RPSA2: variants seen among roughly 807,000 people sequenced by gnomAD.
RPSA2 encodes the protein ribosomal protein SA 2, also known as small ribosomal subunit protein uS2B.
the RPSA2 span, chr19:23,828,138 C>G: frequency 7.6e-6 from 5 of 661,288 alleles, no homozygotes; most frequent in Admixed American, 8.2e-5. Context: ...AAAAAAAATG[C>G]TGCAATAATT....
At chr19:23,773,073 CTGTGTGTA>C in the RPSA2 span, among the ~76,000 whole-genome samples, 3 of 662 alleles carry the variant, frequency 4.5e-3, no homozygotes, top group East Asian at 0.062. Flanking sequence ...CCGTCTCCTC[CTGTGTGTA>C]TGTGTGTGTA....
the RPSA2 span, among the ~76,000 whole-genome samples, chr19:23,794,411 T>C: frequency 0.022 from 3,329 of 152,324 alleles, 130 homozygotes; most frequent in African/African-American, 0.076. Context: ...AGATGGCATC[T>C]TGTGGTTTTT....
At chr19:23,866,327 G>C in the RPSA2 span, among the ~76,000 whole-genome samples, 2 of 152,210 alleles carry the variant, frequency 1.3e-5, no homozygotes, top group African/African-American at 4.8e-5. Context: ...CATAGCTCTA[G>C]CCTATGAAAT....
chr19:23,833,230 G>GA, the RPSA2 span: 1 of 1,054,382 alleles, frequency 9.5e-7, no homozygotes, highest in Non-Finnish European at 1.1e-6. Context: ...CTACAAATGG[G>GA]AAAAATTTGG....
chr19:23,790,156 G>A, the RPSA2 span, among the ~76,000 whole-genome samples: 1 of 151,942 alleles, frequency 6.6e-6, no homozygotes, highest in African/African-American at 2.4e-5. Flanking sequence ...CCGCCACTGT[G>A]CCCGGCTACT....
chr19:23,787,079 T>G, the RPSA2 span, among the ~76,000 whole-genome samples: 1 of 152,100 alleles, frequency 6.6e-6, no homozygotes, highest in South Asian at 2.1e-4. Context: ...GGTCCCTGCT[T>G]ACAGAGAAAT....
the RPSA2 span, among the ~76,000 whole-genome samples, chr19:23,826,059 A>AT: frequency 6.6e-6 from 1 of 151,570 alleles, no homozygotes; most frequent in Admixed American, 6.6e-5. Context: ...ACCACAAAAT[A>AT]TTTTTAAATA....
At chr19:23,805,126 CA>C in the RPSA2 span, among the ~76,000 whole-genome samples, 1 of 238 alleles carries the variant, frequency 4.2e-3, no homozygotes, top group Non-Finnish European at 0.015. Flanking sequence ...AAAAAGCACA[CA>C]CACACACACA....
chr19:23,793,797 G>T, the RPSA2 span, among the ~76,000 whole-genome samples: 2 of 151,938 alleles, frequency 1.3e-5, no homozygotes, highest in Non-Finnish European at 2.9e-5. Context: ...AATTCCTGAC[G>T]TGGTGATCTG....
chr19:23,862,877 T>C, the RPSA2 span, among the ~76,000 whole-genome samples: 2 of 151,606 alleles, frequency 1.3e-5, no homozygotes, highest in Non-Finnish European at 2.9e-5. Flanking sequence ...CATCTACATC[T>C]CTTTTTCTTT....
At chr19:23,806,784 C>CAA in the RPSA2 span, among the ~76,000 whole-genome samples, 1,333 of 70,690 alleles carry the variant, frequency 0.019, 38 homozygotes, top group African/African-American at 0.044. Context: ...GACTGAGTCT[C>CAA]AAAAAAAAAA....
chr19:23,841,539 C>T, the RPSA2 span, among the ~76,000 whole-genome samples: 1 of 152,214 alleles, frequency 6.6e-6, no homozygotes, highest in East Asian at 1.9e-4. Flanking sequence ...TAAACAATCA[C>T]ATTTAATCTG....
chr19:23,779,961 T>C, the RPSA2 span, among the ~76,000 whole-genome samples: 4 of 152,296 alleles, frequency 2.6e-5, no homozygotes, highest in East Asian at 7.7e-4. Context: ...TACATATCAG[T>C]GGCCCAGCAT....
the RPSA2 span, among the ~76,000 whole-genome samples, chr19:23,820,751 C>G: frequency 2.0e-5 from 3 of 152,284 alleles, no homozygotes; most frequent in African/African-American, 7.2e-5. Context: ...AAATATTGAT[C>G]TTTTTGTCCT....
the RPSA2 span, chr19:23,832,710 GA>G: frequency 6.6e-7 from 1 of 1,518,736 alleles, no homozygotes. Flanking sequence ...ACACTGGAGA[GA>G]AACCCTACAA....
At chr19:23,822,603 C>A in the RPSA2 span, among the ~76,000 whole-genome samples, 1 of 152,228 alleles carries the variant, frequency 6.6e-6, no homozygotes, top group African/African-American at 2.4e-5. Context: ...ATAAATAGGT[C>A]CCTGTGTTTT....
the RPSA2 span, among the ~76,000 whole-genome samples, chr19:23,806,036 CTTCT>C: frequency 1.0e-5 from 1 of 96,384 alleles, no homozygotes; most frequent in African/African-American, 3.7e-5. Flanking sequence ...TCTATCTATC[CTTCT>C]TTCTTTCTTT....
the RPSA2 span, chr19:23,818,525 T>C: frequency 2.6e-5 from 4 of 152,658 alleles, no homozygotes; most frequent in Non-Finnish European, 5.9e-5. Context: ...CTAAAGCCAG[T>C]CTATTTTGAT....
the RPSA2 span, among the ~76,000 whole-genome samples, chr19:23,854,159 A>G: frequency 2.8e-4 from 42 of 152,312 alleles, no homozygotes; most frequent in Non-Finnish European, 5.0e-4. Context: ...GGCAGACACC[A>G]TAAGTTTAAT....
Sources: allele counts gnomAD v4.1 joint callset (sites outside exome capture counted in the v4.1 genomes callset), GRCh38; gene constraint gnomAD v4.1.1; transcripts MANE v1.5; gene names NCBI Gene and HGNC (gene_info 2026-07-23, HGNC 2026-07-21).